The following MAP3K4 variants were observed in gnomAD, a reference collection of about 807,000 sequenced individuals.
MAP3K4 encodes the protein mitogen-activated protein kinase kinase kinase 4.
In MAP3K4, 67 loss-of-function variants were observed where a neutral mutation model predicts 185.6. The ratio of observed to expected loss-of-function variants is 0.36; its 90% CI spans 0.30 to 0.44. MAP3K4 has a LOEUF of 0.44. Among genes scored for constraint, MAP3K4 ranks in the 20% least tolerant of loss-of-function variants. The pLI is 1.00. For synonymous variants in MAP3K4, 702 were observed against 710.4 expected (o/e 0.99, Z 0.19); for missense variants, 1,551 against 1,995.1 (o/e 0.78, Z 4.24).
At chr6:161,032,594 T>A (rs1782982352) in intron 1 of MAP3K4, among the ~76,000 whole-genome samples, 1 of 152,212 alleles carries the variant, frequency 6.6e-6, no homozygotes, top group African/African-American at 2.4e-5. Flanking sequence ...TGCTTTTCAT[T>A]CCAAACAGTG....
chr6:161,004,161 A>C (rs1324993123), intron 1 of MAP3K4, among the ~76,000 whole-genome samples: 1 of 152,144 alleles, frequency 6.6e-6, no homozygotes, highest in Non-Finnish European at 1.5e-5. Context: ...AAGTAATGTG[A>C]ATATCCAGTT....
At position 161,043,293 on chromosome 6, in the gene MAP3K4, G is replaced by T. The variant is rs979600750; in HGVS notation, c.344-5323G>T. 6.6e-6 allele frequency among the ~76,000 whole-genome samples: 1 copy of T among 152,074 alleles called. No individual in the cohort carries two copies. Among genetic ancestry groups the T allele is most frequent in the Non-Finnish European group, 1.5e-5 (1 of 68,026 alleles). The stretch of plus-strand genomic sequence containing the variant: ...TTTGCTGCCCTTGTGTCTCTTCTTT[G>T]CTGGCTTCAGATATGCTCTTGCCTT... On this transcript the variant is annotated intron_variant, in intron 2 of 26. Transcript: ENST00000392142. The surrounding 1 kb of genome is among the most constrained non-coding windows in gnomAD (Gnocchi z 4.3).
chr6:161,040,507 G>A (rs1583153233), intron 2 of MAP3K4, among the ~76,000 whole-genome samples: 1 of 152,342 alleles, frequency 6.6e-6, no homozygotes, highest in East Asian at 1.9e-4. Context: ...TTATGTGCAT[G>A]TGTGCATTTT....
intron 1 of MAP3K4, among the ~76,000 whole-genome samples, chr6:161,033,767 C>G (rs1783033364): frequency 6.6e-6 from 1 of 152,104 alleles, no homozygotes; most frequent in Admixed American, 6.5e-5. Context: ...TAGCAAAGTG[C>G]TCCTATACAT....
rs1437708623 is a variant in MAP3K4 at position 161,088,743 on chromosome 6, A to G, written c.2824-579A>G. 6.6e-6 allele frequency among the ~76,000 whole-genome samples: 1 copy of G among 152,124 alleles called. No individual in the cohort carries two copies. The highest frequency in any genetic ancestry group is 1.5e-5 in the Non-Finnish European group (1 of 68,004). On this transcript the variant is annotated intron_variant, in intron 10 of 26. Transcript: ENST00000392142. The surrounding 1 kb of genome is among the most constrained non-coding windows in gnomAD (Gnocchi z 4.5). ...TACCATCCCTCTCCTGAACTATTGC[A>G]GTTTCTGACTTTGAGTTTCCCTGCT...
chr6:161,080,843 T>G lies in MAP3K4; in HGVS notation c.2098-38T>G, dbSNP rs1448233977. 1.9e-6 allele frequency: 3 copies of G among 1,601,416 alleles called. No individual in the cohort carries two copies. Among genetic ancestry groups the G allele is most frequent in the Admixed American group, 3.4e-5 (2 of 59,362 alleles). ...GTGAGAGCGCTGAGTTGCCAAGTTCTACTTTCAAATGTCTCCCTTTACTTT... is the reference window on the plus strand; with the variant it reads ...GTGAGAGCGCTGAGTTGCCAAGTTCGACTTTCAAATGTCTCCCTTTACTTT... On this transcript the variant is annotated intron_variant, in intron 5 of 26. Transcript: ENST00000392142. This position sits in a 1 kb window ranked among gnomAD's most constrained non-coding sequence, Gnocchi z 4.8.
chr6:161,025,038 C>T (rs2115128583), intron 1 of MAP3K4, among the ~76,000 whole-genome samples: 1 of 152,160 alleles, frequency 6.6e-6, no homozygotes, highest in African/African-American at 2.4e-5. Context: ...CATCCACCCA[C>T]CCACCCAGTA....
Position 161,108,062 on chromosome 6 carries a change from C to A in MAP3K4, c.4119+93C>A. 1.8e-6 allele frequency: 2 copies of A among 1,129,464 alleles called. No individual in the cohort carries two copies. Among genetic ancestry groups the A allele is most frequent in the Non-Finnish European group, 2.6e-6 (2 of 780,930 alleles). 70.0% of individuals were successfully genotyped at this position (1,129,464 alleles called of 1,614,324 possible). A position where few individuals can be genotyped will look rare whatever the true frequency, so the allele number is the denominator to read the frequency against. ...GCTGGTCGTGATTCAGTTCTCTGTG[C>A]GTAGAGCTGTCTTCAGCACCAGCAC... On this transcript the variant is annotated intron_variant, in intron 21 of 26. Coordinates refer to ENST00000392142, the MANE Select transcript of MAP3K4 (RefSeq NM_005922.4). This position sits in a 1 kb window ranked among gnomAD's most constrained non-coding sequence, Gnocchi z 5.7.
rs750857744 is a variant in MAP3K4 at position 161,081,042 on chromosome 6, G to A, written c.2255+4G>A. 6.2e-7 allele frequency: 1 copy of A among 1,613,522 alleles called. No individual in the cohort carries two copies. Among genetic ancestry groups the A allele is most frequent in the Non-Finnish European group, 8.5e-7 (1 of 1,179,828 alleles). On this transcript the variant is annotated splice_donor_region_variant and intron_variant, in intron 6 of 26. Coordinates refer to ENST00000392142, the MANE Select transcript of MAP3K4 (RefSeq NM_005922.4). ...CACAGGCCGGGAAGCTTTTCTGGTA[G>A]GAATCCTTGTGCTTCTGAACGCGAC...
chr6:161,070,932 T>C lies in MAP3K4; in HGVS notation c.1950+82T>C. ...TATCATTTTTATTTTGAGAGTTCCTTTTTTTTTCTTAATTGTCGCAAATAG... is the reference window on the plus strand; with the variant it reads ...TATCATTTTTATTTTGAGAGTTCCTCTTTTTTTCTTAATTGTCGCAAATAG... On this transcript the variant is annotated intron_variant, in intron 4 of 26. Transcript: ENST00000392142. The surrounding 1 kb of genome is among the most constrained non-coding windows in gnomAD (Gnocchi z 4.5). 7.7e-7 allele frequency: 1 copy of C among 1,295,064 alleles called. No homozygotes were observed. Among genetic ancestry groups the C allele is most frequent in the South Asian group, 1.6e-5 (1 of 62,150 alleles). 80.2% of individuals were successfully genotyped at this position (1,295,064 alleles called of 1,614,324 possible). A position where few individuals can be genotyped will look rare whatever the true frequency, so the allele number is the denominator to read the frequency against.
rs771666380 is a variant in MAP3K4 at position 161,084,467 on chromosome 6, C to G, written c.2256-34C>G. ...TTAGGCTATGAGTAGGGACAGTTTT[C>G]TTCTCTGTTTTATTTTTATTTTTGT... is the stretch of plus-strand genomic sequence containing the variant. On this transcript the variant is annotated intron_variant, in intron 6 of 26. Transcript: ENST00000392142. This position sits in a 1 kb window ranked among gnomAD's most constrained non-coding sequence, Gnocchi z 4.6. The G allele has an allele frequency of 1.3e-5, 13 of 1,025,682 alleles. No individual in the cohort carries two copies. The highest frequency in any genetic ancestry group is 2.0e-5 in the Non-Finnish European group (13 of 644,976). The allele number at this position is 1,025,682 out of a possible 1,614,324, so 63.5% of individuals were successfully genotyped here.
At chr6:161,092,195 T>C (rs1364301075) in intron 13 of MAP3K4, 52 bp downstream of exon 13, 4 of 1,603,042 alleles carry the variant, frequency 2.5e-6, no homozygotes, top group African/African-American at 1.3e-5. Flanking sequence ...CTTGGTGGTA[T>C]TTGTTCATAT....
chr6:161,072,036 A>G (rs762594708), intron 4 of MAP3K4, among the ~76,000 whole-genome samples: 1 of 152,256 alleles, frequency 6.6e-6, no homozygotes, highest in East Asian at 1.9e-4. Flanking sequence ...AGATTAATGT[A>G]GCACTGCTAG....
chr6:161,066,269 A>G (rs1784708689), intron 3 of MAP3K4, among the ~76,000 whole-genome samples: 2 of 152,044 alleles, frequency 1.3e-5, no homozygotes, highest in South Asian at 4.2e-4. Flanking sequence ...GCTGCTTTAC[A>G]TCTTAGTGGT....
intron 1 of MAP3K4, among the ~76,000 whole-genome samples, chr6:161,018,450 A>G (rs1045523640): frequency 1.3e-5 from 2 of 152,202 alleles, no homozygotes; most frequent in Admixed American, 6.5e-5. Context: ...ACATTCAGTA[A>G]AGACTTGGAA....
At position 161,054,402 on chromosome 6, in the gene MAP3K4, G is replaced by T. The variant is rs9456619; in HGVS notation, c.1707+4423G>T. Among the ~76,000 whole-genome samples the T allele has an allele frequency of 6.6e-6, 1 of 152,044 alleles. No homozygotes were observed. The highest frequency in any genetic ancestry group is 6.6e-5 in the Admixed American group (1 of 15,262). On this transcript the variant is annotated intron_variant, in intron 3 of 26. Transcript: ENST00000392142. The surrounding 1 kb of genome is among the most constrained non-coding windows in gnomAD (Gnocchi z 4.2). ...ACTCCTGACCTCACATGATCCACCC[G>T]CCTTGGCCTCCCAAAGTGCTGGGAT...
chr6:160,998,863 C>T (rs1048024946), intron 1 of MAP3K4, among the ~76,000 whole-genome samples: 1 of 152,174 alleles, frequency 6.6e-6, no homozygotes, highest in Non-Finnish European at 1.5e-5. Flanking sequence ...CCCTGCAGAT[C>T]TCACACTGTG....
intron 3 of MAP3K4, among the ~76,000 whole-genome samples, chr6:161,059,028 T>G (rs1784371519): frequency 6.6e-6 from 1 of 152,144 alleles, no homozygotes; most frequent in Non-Finnish European, 1.5e-5. Flanking sequence ...TATTGCCAAA[T>G]TGCTCTCCAA....
In MAP3K4 at chr6:161,115,399, A is replaced by G. The variant is rs762724826; in HGVS notation, c.4806+97A>G. 6 of 1,193,674 alleles carry G rather than the reference A, an allele frequency of 5.0e-6. No individual in the cohort carries two copies. Among genetic ancestry groups the G allele is most frequent in the East Asian group, 4.9e-5 (2 of 40,874 alleles). 73.9% of individuals were successfully genotyped at this position (1,193,674 alleles called of 1,614,324 possible). A position where few individuals can be genotyped will look rare whatever the true frequency, so the allele number is the denominator to read the frequency against. ...GAAATTTTGAAACTTTAAAGTAGCT[A>G]TATCTGAAGTGGAAAGGAACTAAAT... is the stretch of plus-strand genomic sequence containing the variant. On this transcript the variant is annotated intron_variant, in intron 26 of 26. Transcript: ENST00000392142. This position sits in a 1 kb window ranked among gnomAD's most constrained non-coding sequence, Gnocchi z 6.0.
Sources: gnomAD v4.1 joint callset for allele counts (sites outside exome capture counted in the v4.1 genomes callset) on GRCh38, gnomAD v4.1.1 for gene constraint, Gnocchi (gnomAD v3.1) non-coding constraint, MANE v1.5 for transcripts, NCBI Gene and HGNC (gene_info 2026-07-23, HGNC 2026-07-21) for gene names.